Variants in DNAJC16 observed in about 807,000 individuals in gnomAD.
DNAJC16 encodes DnaJ heat shock protein family (Hsp40) member C16.
In DNAJC16, 76 loss-of-function variants were observed where a neutral mutation model predicts 92.7. The ratio of observed to expected loss-of-function variants is 0.82; its 90% CI spans 0.68 to 0.99. The LOEUF is 0.99. DNAJC16 is among the 50% of genes least tolerant of loss of function. The probability of loss-of-function intolerance (pLI) is 0.00; values close to 1 mark genes in which losing one functional copy is unlikely to be tolerated. For missense variants in DNAJC16, 869 were observed against 942.4 expected, an observed-to-expected ratio of 0.92 and a Z score of 1.02; for synonymous variants, 328 against 358.7, an observed-to-expected ratio of 0.91 and a Z score of 0.97.
chr1:15,564,201 A>T lies in DNAJC16; in HGVS notation c.1522-82A>T, dbSNP rs890862720. 3.2e-6 allele frequency: 5 copies of T among 1,551,520 alleles called. No individual in the cohort carries two copies. In the South Asian group the frequency reaches 5.6e-5, roughly 17 times the overall value. The stretch of plus-strand genomic sequence containing the variant: ...GGATTTCTGCTCAGAGCAGAGGTCC[A>T]GCAGCAGCACTGTGTTGCAGGGTAG... On this transcript the variant is annotated intron_variant, in intron 10 of 14. Coordinates refer to ENST00000375847, the MANE Select transcript of DNAJC16 (RefSeq NM_015291.4).
At chr1:15,532,171 T>G (rs957058287) in intron 2 of DNAJC16, among the ~76,000 whole-genome samples, 1 of 152,238 alleles carries the variant, frequency 6.6e-6, no homozygotes, top group African/African-American at 2.4e-5. Context: ...GACGTGGTTA[T>G]GCAATAAACT....
chr1:15,536,908 T>G (rs1394934210), intron 4 of DNAJC16, 94 bp downstream of exon 4: 13 of 1,143,744 alleles, frequency 1.1e-5, no homozygotes, highest in Non-Finnish European at 1.6e-5. Flanking sequence ...TGGAGTACAG[T>G]GGTGTGATCT....
rs959809598 is a variant in DNAJC16 at position 15,569,808 on chromosome 1, C to T, written c.*1631C>T. The T allele has an allele frequency of 2.0e-5, 3 of 151,484 alleles. No homozygotes were observed. The highest frequency in any genetic ancestry group is 4.4e-5 in the Non-Finnish European group (3 of 67,904). The allele number at this position is 151,484 out of a possible 1,614,324, so 9.4% of individuals were successfully genotyped here. A position where few individuals can be genotyped will look rare whatever the true frequency, so the allele number is the denominator to read the frequency against. ...GGCATGTGCCACCATGTAATTAGCC[C>T]GGCTAATTTTGTATTTTTAGTAGAG... On this transcript the variant is annotated 3_prime_UTR_variant, in exon 15 of 15. Transcript: ENST00000375847.
chr1:15,563,861 A>AAAGC (rs1004516129), intron 9 of DNAJC16, 68 bp from the exon 10 acceptor site: 2 of 1,410,318 alleles, frequency 1.4e-6, no homozygotes, highest in African/African-American at 5.5e-5. Flanking sequence ...AAAAAAAAAA[A>AAAGC]AAGCAAACAA....
rs772382801 is a variant in DNAJC16, at chr1:15,548,370, A to T, written c.965A>T (p.Tyr322Phe). 1 of 1,614,008 alleles carries T rather than the reference A, an allele frequency of 6.2e-7. No individual in the cohort carries two copies. The highest frequency in any genetic ancestry group is 1.3e-5 in the African/African-American group (1 of 74,898). Residue 322 changes from tyrosine (Y) to phenylalanine (F), a missense_variant, in exon 7 of 15, where the codon TAC becomes TTC. Tyr to Phe is a conservative substitution (Grantham distance 22). Transcript: ENST00000375847. ...EMTRRYNINI[Y>F]APTLLVFKEH... ...ACAAGGCGGTACAACATCAATATCT[A>T]CGCCCCTACCCTCTTGGTCTTTAAA...
At chr1:15,542,347 A>G (rs1710952135) in intron 4 of DNAJC16, 1 of 152,162 alleles carries the variant, frequency 6.6e-6, no homozygotes, top group African/African-American at 2.4e-5. Context: ...TAATCCCTGA[A>G]CTACTGGGTT....
At chr1:15,529,952 A>C (rs202190624) in intron 2 of DNAJC16, among the ~76,000 whole-genome samples, 2 of 152,330 alleles carry the variant, frequency 1.3e-5, no homozygotes, top group East Asian at 3.9e-4. Context: ...TGGTTGTTAT[A>C]CTGTTATTGT....
Position 15,544,322 on chromosome 1 carries a change from C to G in DNAJC16, c.575-77C>G, listed in dbSNP as rs920162123. The G allele has an allele frequency of 1.8e-5, 26 of 1,426,436 alleles. No individual in the cohort carries two copies. The African/African-American group carries it at 3.6e-4, about 20-fold the overall frequency. The allele number at this position is 1,426,436 out of a possible 1,614,324, so 88.4% of individuals were successfully genotyped here. On this transcript the variant is annotated intron_variant, in intron 4 of 14. Coordinates refer to ENST00000375847, the MANE Select transcript of DNAJC16 (RefSeq NM_015291.4). Reference sequence around the variant, plus strand: ...TGAGGTCGGGATTTCAATTTCACACCAAAAAATTACTTAGCACTTTTTCCA... The same window carrying G: ...TGAGGTCGGGATTTCAATTTCACACGAAAAAATTACTTAGCACTTTTTCCA...
At chr1:15,528,073 A>T (rs1710562032) in intron 1 of DNAJC16, among the ~76,000 whole-genome samples, 1 of 152,208 alleles carries the variant, frequency 6.6e-6, no homozygotes, top group East Asian at 1.9e-4. Flanking sequence ...CTTTGCCGTT[A>T]ATTCTTCTTC....
At chr1:15,556,953 TTTC>T (rs1357065033) in intron 7 of DNAJC16, among the ~76,000 whole-genome samples, 4 of 152,272 alleles carry the variant, frequency 2.6e-5, no homozygotes, top group African/African-American at 7.2e-5. Context: ...TATTCTGATT[TTTC>T]TTCTTTAATC....
intron 1 of DNAJC16, 128 bp downstream of exon 1, chr1:15,527,086 G>A (rs962363678): frequency 2.0e-5 from 3 of 152,278 alleles, no homozygotes; most frequent in Non-Finnish European, 4.4e-5. Flanking sequence ...GAGCCAACAG[G>A]GCCGGGCCCT....
chr1:15,540,501 A>C (rs1015069948), intron 4 of DNAJC16, among the ~76,000 whole-genome samples: 1 of 152,078 alleles, frequency 6.6e-6, no homozygotes, highest in African/African-American at 2.4e-5. Context: ...CCAGAGCCAG[A>C]CTTCCTGGGT....
At chr1:15,541,621 T>A (rs1468575311) in intron 4 of DNAJC16, among the ~76,000 whole-genome samples, 1 of 152,162 alleles carries the variant, frequency 6.6e-6, no homozygotes, top group Non-Finnish European at 1.5e-5. Flanking sequence ...AAGTTTGGGA[T>A]CCCTGCCATT....
At chr1:15,556,848 C>G (rs1417659557) in intron 7 of DNAJC16, among the ~76,000 whole-genome samples, 1 of 152,216 alleles carries the variant, frequency 6.6e-6, no homozygotes, top group Non-Finnish European at 1.5e-5. Context: ...TACCCTTTAT[C>G]AGGTTAAAGA....
At chr1:15,549,816 T>TAA (rs1638401212) in intron 7 of DNAJC16, among the ~76,000 whole-genome samples, 1 of 77,944 alleles carries the variant, frequency 1.3e-5, no homozygotes, top group South Asian at 3.9e-4. Flanking sequence ...AGACTCCGTC[T>TAA]CAAAAAAAAA....
rs970920564 is a variant in DNAJC16 at position 15,529,256 on chromosome 1, A to C, written c.151A>C (p.Lys51Gln). The C allele has an allele frequency of 7.5e-6, 12 of 1,609,362 alleles. No homozygotes were observed. Among genetic ancestry groups the C allele is most frequent in the African/African-American group, 1.3e-5 (1 of 74,836 alleles). The part of the protein sequence containing the change: ...SQADIKKAYK[K>Q]LAREWHPDKN... ...GGCTGATATTAAAAAGGCTTATAAG[A>C]AGCTCGCCCGGGAATGGTAGGTGAA... is the stretch of plus-strand genomic sequence containing the variant. The change falls in exon 2 of 15, where the codon AAG (lysine) becomes CAG (glutamine). Residue 51 changes from lysine to glutamine, a missense_variant. Physicochemically the swap from Lys to Gln is moderately conservative, Grantham distance 53. Coordinates refer to ENST00000375847, the MANE Select transcript of DNAJC16 (RefSeq NM_015291.4).
rs139634926 is a variant in DNAJC16, at chr1:15,568,847, G to C, written c.*670G>C. On this transcript the variant is annotated 3_prime_UTR_variant, in exon 15 of 15. Coordinates refer to ENST00000375847, the MANE Select transcript of DNAJC16 (RefSeq NM_015291.4). ...AAGAAAAGGAAAGGGAGGCTGAGCA[G>C]TGGCTGAAGCGATGCAGCCTTGAGA... is the stretch of plus-strand genomic sequence containing the variant. 68 of 397,518 alleles carry C rather than the reference G, an allele frequency of 1.7e-4. No homozygotes were observed. Among genetic ancestry groups the C allele is most frequent in the African/African-American group, 1.3e-3 (63 of 48,770 alleles). 24.6% of individuals were successfully genotyped at this position (397,518 alleles called of 1,614,324 possible).
At chr1:15,538,536 G>A (rs1710849523) in intron 4 of DNAJC16, among the ~76,000 whole-genome samples, 1 of 152,148 alleles carries the variant, frequency 6.6e-6, no homozygotes. Context: ...TGGCCAAAAT[G>A]CTGAAACTCT....
chr1:15,567,955 C>T lies in DNAJC16; in HGVS notation c.2127C>T (p.Cys709=). The T allele has an allele frequency of 6.2e-7, 1 of 1,614,228 alleles. No individual in the cohort carries two copies. Among genetic ancestry groups the T allele is most frequent in the Non-Finnish European group, 8.5e-7 (1 of 1,180,042 alleles). Residue 709 remains cysteine, a synonymous_variant, in exon 15 of 15, where the codon TGC becomes TGT. Coordinates refer to ENST00000375847, the MANE Select transcript of DNAJC16 (RefSeq NM_015291.4). ...TGAATGGCCACAAGAAATACTTCTG[C>T]CTCTTCAAGCCCCAAAAGACAGTCG... ...LALNGHKKYF[C]LFKPQKTVEE...
Sources: allele counts gnomAD v4.1 joint callset (sites outside exome capture counted in the v4.1 genomes callset), GRCh38; gene constraint gnomAD v4.1.1; transcripts MANE v1.5; gene names NCBI Gene and HGNC (gene_info 2026-07-23, HGNC 2026-07-21).